The following EPHA5 variants were observed in gnomAD, a reference collection of about 807,000 sequenced individuals.
EPHA5 encodes the protein EPH receptor A5.
In EPHA5, 60 loss-of-function variants were observed where a neutral mutation model predicts 105.0. The observed-to-expected ratio is 0.57, with a 90% CI of 0.46 to 0.71. The LOEUF is 0.71. EPHA5 is among the 30% of genes least tolerant of loss of function. The pLI is 0.00. For synonymous variants in EPHA5, 513 were observed against 449.1 expected, an observed-to-expected ratio of 1.14 and a Z score of -1.80; for missense variants, 1,218 against 1,274.7, an observed-to-expected ratio of 0.96 and a Z score of 0.68.
intron 5 of EPHA5, among the ~76,000 whole-genome samples, chr4:65,471,638 T>A (rs997718123): frequency 1.3e-5 from 2 of 152,136 alleles, no homozygotes; most frequent in African/African-American, 4.8e-5. Flanking sequence ...AGCAGATTTG[T>A]CTTGCATGGT....
chr4:65,654,305 A>T (rs1748875520), intron 1 of EPHA5, among the ~76,000 whole-genome samples: 1 of 151,786 alleles, frequency 6.6e-6, no homozygotes, highest in Non-Finnish European at 1.5e-5. Flanking sequence ...TTGTAACCCA[A>T]TATAGTTCTA....
chr4:65,502,769 G>C (rs1411754007), intron 3 of EPHA5, among the ~76,000 whole-genome samples: 1 of 151,504 alleles, frequency 6.6e-6, no homozygotes, highest in African/African-American at 2.4e-5. Flanking sequence ...AAAATAAGTT[G>C]TTCTGACAAA....
intron 5 of EPHA5, among the ~76,000 whole-genome samples, chr4:65,424,447 T>C (rs1724229647): frequency 6.6e-6 from 1 of 152,076 alleles, no homozygotes; most frequent in Non-Finnish European, 1.5e-5. Flanking sequence ...GTGCTTTCAA[T>C]CTTTATAATA....
chr4:65,580,284 T>C (rs1161390703), intron 3 of EPHA5, among the ~76,000 whole-genome samples: 1 of 151,878 alleles, frequency 6.6e-6, no homozygotes, highest in African/African-American at 2.4e-5. Context: ...ACAGAATTAA[T>C]ACAAACAAAC....
intron 3 of EPHA5, among the ~76,000 whole-genome samples, chr4:65,508,988 T>G (rs1316299242): frequency 6.6e-6 from 1 of 152,150 alleles, no homozygotes; most frequent in Non-Finnish European, 1.5e-5. Flanking sequence ...ATCAAGCCAT[T>G]TTGCAAATGT....
At chr4:65,462,095 T>C (rs998093197) in intron 5 of EPHA5, among the ~76,000 whole-genome samples, 2 of 152,050 alleles carry the variant, frequency 1.3e-5, no homozygotes, top group Non-Finnish European at 2.9e-5. Flanking sequence ...ATTGGAGAAG[T>C]GTAGTCTTTT....
At chr4:65,431,180 G>T (rs1724936133) in intron 5 of EPHA5, among the ~76,000 whole-genome samples, 1 of 152,102 alleles carries the variant, frequency 6.6e-6, no homozygotes, top group South Asian at 2.1e-4. Flanking sequence ...TCCGCATGCT[G>T]CACCATAGAT....
intron 3 of EPHA5, among the ~76,000 whole-genome samples, chr4:65,591,605 T>A (rs1411309248): frequency 2.7e-5 from 4 of 147,458 alleles, no homozygotes; most frequent in African/African-American, 1.0e-4. Context: ...TTTAATTTTA[T>A]TTTTTTTAAA....
At chr4:65,638,273 C>T (rs1345278484) in intron 2 of EPHA5, among the ~76,000 whole-genome samples, 1 of 152,006 alleles carries the variant, frequency 6.6e-6, no homozygotes, top group Non-Finnish European at 1.5e-5. Context: ...ATATGCCAGG[C>T]AATATCTCCA....
intron 14 of EPHA5, among the ~76,000 whole-genome samples, chr4:65,345,200 T>G (rs1722098546): frequency 6.6e-6 from 1 of 152,146 alleles, no homozygotes; most frequent in Non-Finnish European, 1.5e-5. Flanking sequence ...TTTTCCCAGA[T>G]TTAGAGAAAT....
At chr4:65,342,950 A>G (rs1286891235) in intron 14 of EPHA5, among the ~76,000 whole-genome samples, 4 of 152,034 alleles carry the variant, frequency 2.6e-5, no homozygotes, top group Admixed American at 6.6e-5. Context: ...AACTGGCCAG[A>G]AAAAGAAAGC....
chr4:65,636,577 A>G (rs1747139553), intron 2 of EPHA5, among the ~76,000 whole-genome samples: 1 of 152,026 alleles, frequency 6.6e-6, no homozygotes, highest in Non-Finnish European at 1.5e-5. Context: ...TGTCATTATT[A>G]GTACTAAATG....
chr4:65,481,534 C>T (rs934351783), intron 5 of EPHA5, among the ~76,000 whole-genome samples: 1 of 152,144 alleles, frequency 6.6e-6, no homozygotes, highest in African/African-American at 2.4e-5. Context: ...ATATCAAGTC[C>T]ATACTTTATT....
At chr4:65,407,719 A>T (rs1578040723) in intron 7 of EPHA5, among the ~76,000 whole-genome samples, 1 of 150,912 alleles carries the variant, frequency 6.6e-6, no homozygotes, top group Non-Finnish European at 1.5e-5. Context: ...TATTATTTTA[A>T]ATTTACAATA....
At position 65,460,703 on chromosome 4, in the gene EPHA5, T is replaced by C. The variant is rs563970119; in HGVS notation, c.1402+29674A>G. Reference sequence around the variant, plus strand: ...TGTTCACAGTAGTTTTTTCAATTGATTTGTATGTATTTGACATTTGGGAAT... The same window carrying C: ...TGTTCACAGTAGTTTTTTCAATTGACTTGTATGTATTTGACATTTGGGAAT... On this transcript the variant is annotated intron_variant, in intron 5 of 16. Coordinates refer to ENST00000613740, the MANE Select transcript of EPHA5 (RefSeq NM_001281766.3). Among the ~76,000 whole-genome samples, 49 of 151,862 alleles carry C rather than the reference T, an allele frequency of 3.2e-4. No individual in the cohort carries two copies. The Middle Eastern group carries it at 0.01, about 32-fold the overall frequency.
Position 65,601,765 on chromosome 4 carries a change from A to G in EPHA5, c.786T>C (p.Cys262=), listed in dbSNP as rs775784767. 3.3e-5 allele frequency: 54 copies of G among 1,614,066 alleles called. No individual in the cohort carries two copies. The highest frequency in any genetic ancestry group is 4.3e-5 in the Non-Finnish European group (51 of 1,180,028). Residue 262 remains cysteine, a synonymous_variant, in exon 3 of 17, where the codon TGT becomes TGC. Coordinates refer to ENST00000613740, the MANE Select transcript of EPHA5 (RefSeq NM_001281766.3). ...SSQLLEVSGS[C]VNHSVTDEPP... Reference sequence around the variant, plus strand: ...GTTCATCGGTCACAGAATGGTTGACACAGGAGCCTGACACTTCGAGCAATT... The same window carrying G: ...GTTCATCGGTCACAGAATGGTTGACGCAGGAGCCTGACACTTCGAGCAATT...
rs575192641 is a variant in EPHA5 at position 65,625,007 on chromosome 4, T to C, written c.246+18356A>G. ...AAAACAACAACCACTTTAGAAAAAATTGTCATTGGCATAGATAAAATGAAC... is the reference window on the plus strand; with the variant it reads ...AAAACAACAACCACTTTAGAAAAAACTGTCATTGGCATAGATAAAATGAAC... On this transcript the variant is annotated intron_variant, in intron 2 of 16. Coordinates refer to ENST00000613740, the MANE Select transcript of EPHA5 (RefSeq NM_001281766.3). 1.1e-3 allele frequency among the ~76,000 whole-genome samples: 161 copies of C among 152,166 alleles called. 3 individuals are homozygous for C. Among genetic ancestry groups the C allele is most frequent in the Admixed American group, 4.1e-3 (63 of 15,270 alleles).
chr4:65,434,939 T>A (rs1424753904), intron 5 of EPHA5, among the ~76,000 whole-genome samples: 1 of 152,158 alleles, frequency 6.6e-6, no homozygotes, highest in East Asian at 1.9e-4. Context: ...GCCAATGTCT[T>A]GTTTAAGATA....
chr4:65,619,933 A>T (rs953477747), intron 2 of EPHA5, among the ~76,000 whole-genome samples: 2 of 151,206 alleles, frequency 1.3e-5, no homozygotes, highest in African/African-American at 4.8e-5. Flanking sequence ...TGATAATAAT[A>T]TTATAAAGTT....
Sources: gnomAD v4.1 joint callset for allele counts (sites outside exome capture counted in the v4.1 genomes callset) on GRCh38, gnomAD v4.1.1 for gene constraint, MANE v1.5 for transcripts, NCBI Gene and HGNC (gene_info 2026-07-23, HGNC 2026-07-21) for gene names.